The following CCDC50 variants were observed in gnomAD, a reference collection of about 807,000 sequenced individuals.
CCDC50 encodes coiled-coil domain containing 50.
Under a neutral mutation model 70.2 loss-of-function variants are expected in CCDC50, and 54 were observed. The ratio of observed to expected loss-of-function variants is 0.77; its 90% confidence interval spans 0.62 to 0.96. CCDC50 has a LOEUF of 0.96. CCDC50 is among the 50% of genes least tolerant of loss of function. CCDC50 has a pLI of 0.00. For synonymous variants in CCDC50, 216 were observed against 198.8 expected (o/e 1.09, Z -0.73); for missense variants, 558 against 578.7 (o/e 0.96, Z 0.37).
At chr3:191,374,685 T>C (rs1279674760) in intron 5 of CCDC50, among the ~76,000 whole-genome samples, 1 of 152,194 alleles carries the variant, frequency 6.6e-6, no homozygotes, top group African/African-American at 2.4e-5. Flanking sequence ...TTTACAAGAT[T>C]CCTCAACCTC....
At chr3:191,352,385 G>A (rs898956310) in intron 1 of CCDC50, among the ~76,000 whole-genome samples, 2 of 141,876 alleles carry the variant, frequency 1.4e-5, no homozygotes, top group Non-Finnish European at 3.2e-5. Flanking sequence ...ATGTATGTCA[G>A]CCAGTCCTCC....
chr3:191,375,056 A>C lies in CCDC50; in HGVS notation c.449-6A>C. 6.2e-7 allele frequency: 1 copy of C among 1,613,086 alleles called. No individual in the cohort carries two copies. On this transcript the variant is annotated splice_polypyrimidine_tract_variant and splice_region_variant and intron_variant, in intron 5 of 11. Coordinates refer to ENST00000392455, the MANE Select transcript of CCDC50 (RefSeq NM_178335.3). ...TTATTTTTCACATCCCTCTGCCTCCACTCAGACCAACCAGGGTCAAGGAGG... is the reference window on the plus strand; with the variant it reads ...TTATTTTTCACATCCCTCTGCCTCCCCTCAGACCAACCAGGGTCAAGGAGG...
rs1713753711 is a variant in CCDC50 at position 191,393,163 on chromosome 3, TTTATTTTCCC to T, written c.*1414_*1423del. The T allele has an allele frequency of 6.6e-6, 1 of 152,264 alleles. No individual in the cohort carries two copies. The highest frequency in any genetic ancestry group is 2.4e-5 in the African/African-American group (1 of 41,448). 9.4% of individuals were successfully genotyped at this position (152,264 alleles called of 1,614,324 possible). The stretch of plus-strand genomic sequence containing the variant: ...TGTAGCTGCTAACCTTACTGCAATA[TTTATTTTCCC>T]TTATTTTCCCATACTACTTAGTTGA... On this transcript the variant is annotated 3_prime_UTR_variant, in exon 12 of 12. Coordinates refer to ENST00000392455, the MANE Select transcript of CCDC50 (RefSeq NM_178335.3).
intron 10 of CCDC50, among the ~76,000 whole-genome samples, chr3:191,388,082 A>C (rs1015188028): frequency 6.6e-6 from 1 of 152,114 alleles, no homozygotes; most frequent in Non-Finnish European, 1.5e-5. Flanking sequence ...ATTGGTAAAC[A>C]AATGATTTAA....
chr3:191,391,852 T>A lies in CCDC50; in HGVS notation c.*92T>A. ...TTCTACACTTACTTTTTTTCTCCTG[T>A]GTTTGCATTCCTGGGATTTATCCTC... On this transcript the variant is annotated 3_prime_UTR_variant, in exon 12 of 12. Transcript: ENST00000392455. 1.8e-6 allele frequency: 2 copies of A among 1,134,872 alleles called. No individual in the cohort carries two copies. The highest frequency in any genetic ancestry group is 2.6e-6 in the Non-Finnish European group (2 of 761,288). The allele number at this position is 1,134,872 out of a possible 1,614,324, so 70.3% of individuals were successfully genotyped here. A position where few individuals can be genotyped will look rare whatever the true frequency, so the allele number is the denominator to read the frequency against.
chr3:191,366,024 A>G (rs1041516115), intron 4 of CCDC50, among the ~76,000 whole-genome samples: 1 of 152,084 alleles, frequency 6.6e-6, no homozygotes, highest in Admixed American at 6.6e-5. Context: ...GAAATACCCT[A>G]AGGAAGCCAA....
intron 4 of CCDC50, among the ~76,000 whole-genome samples, chr3:191,364,065 T>C (rs549886851): frequency 1.3e-5 from 2 of 150,086 alleles, no homozygotes; most frequent in East Asian, 2.0e-4. Context: ...ATGAACTCTC[T>C]TAGTTCTTAT....
In CCDC50 at chr3:191,329,422, A is replaced by C. The variant is rs1366194940; in HGVS notation, c.-253A>C. The C allele has an allele frequency of 7.0e-6, 3 of 430,566 alleles. No individual in the cohort carries two copies. The highest frequency in any genetic ancestry group is 1.2e-5 in the Non-Finnish European group (3 of 245,670). The allele number at this position is 430,566 out of a possible 1,614,324, so 26.7% of individuals were successfully genotyped here. ...TCCGGGCTCCGGATATTTGGTATCG[A>C]TTGGGGCCGGGGACGCGGAGCAGGT... On this transcript the variant is annotated 5_prime_UTR_variant, in exon 1 of 12. Coordinates refer to ENST00000392455, the MANE Select transcript of CCDC50 (RefSeq NM_178335.3).
rs922599687 is a variant in CCDC50, at chr3:191,391,828, T to C, written c.*68T>C. The C allele has an allele frequency of 1.4e-5, 20 of 1,402,482 alleles. No homozygotes were observed. The Admixed American group carries it at 2.1e-4, about 15-fold the overall frequency. The allele number at this position is 1,402,482 out of a possible 1,614,324, so 86.9% of individuals were successfully genotyped here. ...TATTACTGGGTGATACAGAATGAAT[T>C]CTACACTTACTTTTTTTCTCCTGTG... On this transcript the variant is annotated 3_prime_UTR_variant, in exon 12 of 12. Transcript: ENST00000392455.
At chr3:191,359,952 T>A (rs1712425512) in intron 3 of CCDC50, among the ~76,000 whole-genome samples, 1 of 152,128 alleles carries the variant, frequency 6.6e-6, no homozygotes, top group African/African-American at 2.4e-5. Flanking sequence ...ATTTTATAGG[T>A]CCTAAAGGAG....
intron 3 of CCDC50, 99 bp from the exon 4 acceptor site, chr3:191,360,970 C>T: frequency 3.7e-6 from 3 of 804,912 alleles, no homozygotes; most frequent in South Asian, 3.0e-5. Flanking sequence ...AAATAATGTA[C>T]TTCTCATATA....
At chr3:191,341,691 G>A (rs1351719111) in intron 1 of CCDC50, among the ~76,000 whole-genome samples, 1 of 152,068 alleles carries the variant, frequency 6.6e-6, no homozygotes, top group Admixed American at 6.6e-5. Context: ...TGTAACTGAA[G>A]TACCAATAAG....
intron 4 of CCDC50, 47 bp downstream of exon 4, chr3:191,361,206 C>A (rs571307408): frequency 1.4e-6 from 2 of 1,417,068 alleles, no homozygotes; most frequent in South Asian, 1.1e-5. Context: ...AAGGGGTGCT[C>A]AGCTTTAGAG....
intron 1 of CCDC50, among the ~76,000 whole-genome samples, chr3:191,355,708 C>T (rs902421791): frequency 7.9e-5 from 12 of 152,132 alleles, no homozygotes; most frequent in African/African-American, 2.4e-4. Context: ...ATATTAGAAT[C>T]GGTTGAGAAT....
intron 1 of CCDC50, among the ~76,000 whole-genome samples, chr3:191,337,494 G>A (rs1341083007): frequency 1.3e-5 from 2 of 151,554 alleles, no homozygotes; most frequent in East Asian, 1.9e-4. Context: ...ACAGTTGCCC[G>A]CCACTATGCC....
chr3:191,330,774 C>T (rs1717954024), intron 1 of CCDC50, among the ~76,000 whole-genome samples: 1 of 152,080 alleles, frequency 6.6e-6, no homozygotes, highest in African/African-American at 2.4e-5. Flanking sequence ...GTGCTCAGGC[C>T]AGCCCAAAAA....
At chr3:191,358,208 A>C in intron 3 of CCDC50, 84 bp downstream of exon 3, 22 of 1,469,000 alleles carry the variant, frequency 1.5e-5, no homozygotes, top group East Asian at 2.3e-5. Context: ...GAAGGAGACT[A>C]CTTCTGTTCC....
intron 10 of CCDC50, 108 bp from the exon 11 acceptor site, chr3:191,389,388 G>T: frequency 1.1e-6 from 1 of 886,106 alleles, no homozygotes; most frequent in Admixed American, 1.7e-5. Flanking sequence ...GAAGCATTTT[G>T]GCTTTTCATT....
chr3:191,338,058 G>A (rs1373460079), intron 1 of CCDC50, among the ~76,000 whole-genome samples: 1 of 152,010 alleles, frequency 6.6e-6, no homozygotes, highest in Non-Finnish European at 1.5e-5. Context: ...TTTTTCCAAT[G>A]AGTCATAAAG....
Sources: gnomAD v4.1 joint callset for allele counts (sites outside exome capture counted in the v4.1 genomes callset) on GRCh38, gnomAD v4.1.1 for gene constraint, MANE v1.5 for transcripts, NCBI Gene and HGNC (gene_info 2026-07-23, HGNC 2026-07-21) for gene names.